The following HDAC1 variants were observed in gnomAD, a reference collection of about 807,000 sequenced individuals.
HDAC1 encodes the protein protein deacetylase HDAC1.
Under a neutral mutation model 65.5 loss-of-function variants are expected in HDAC1, and 18 were observed. The observed-to-expected ratio is 0.27, with a 90% CI of 0.19 to 0.41. HDAC1 has a LOEUF of 0.41. Ranked by LOEUF, HDAC1 falls within the 10% of genes least tolerant of loss-of-function variation. The pLI is 1.00. For synonymous variants in HDAC1, 211 were observed against 227.9 expected, an observed-to-expected ratio of 0.93 and a Z score of 0.67; for missense variants, 373 against 625.2, an observed-to-expected ratio of 0.60 and a Z score of 4.30.
chr1:32,326,968 A>T lies in HDAC1; in HGVS notation c.385A>T (p.Thr129Ser), dbSNP rs762360572. 7 of 1,614,130 alleles carry T rather than the reference A, an allele frequency of 4.3e-6. No homozygotes were observed. The highest frequency in any genetic ancestry group is 5.9e-6 in the Non-Finnish European group (7 of 1,180,014). Reference protein sequence around the residue: ...ASAVKLNKQQTDIAVNWAGGL... With the variant: ...ASAVKLNKQQSDIAVNWAGGL... Reference sequence around the variant, plus strand: ...TGCTGTGAAACTTAATAAGCAGCAGACGGACATCGCTGTGAATTGGGCTGG... The same window carrying T: ...TGCTGTGAAACTTAATAAGCAGCAGTCGGACATCGCTGTGAATTGGGCTGG... Residue 129 changes from threonine to serine, a missense_variant, in exon 5 of 14, where the codon ACG becomes TCG. Transcript: ENST00000373548.
rs1205043841 is a variant in HDAC1 at position 32,333,237 on chromosome 1, A to G, written c.*193A>G. On this transcript the variant is annotated 3_prime_UTR_variant, in exon 14 of 14. Transcript: ENST00000373548. ...GAGCTCTTCCAGGAGCCACCTTGCC[A>G]CCCATTCTTCCCGTTCTTAACTTTG... is the stretch of plus-strand genomic sequence containing the variant. 1 of 483,086 alleles carries G rather than the reference A, an allele frequency of 2.1e-6. No individual in the cohort carries two copies. Among genetic ancestry groups the G allele is most frequent in the South Asian group, 3.5e-5 (1 of 28,856 alleles). 29.9% of individuals were successfully genotyped at this position (483,086 alleles called of 1,614,324 possible).
rs1489607629 is a variant in HDAC1 at position 32,331,569 on chromosome 1, C to T, written c.1075C>T (p.Leu359=). Residue 359 remains leucine, a synonymous_variant, in exon 10 of 14, where the codon CTG becomes TTG. Coordinates refer to ENST00000373548, the MANE Select transcript of HDAC1 (RefSeq NM_004964.3). The surrounding 1 kb of genome is among the most constrained non-coding windows in gnomAD (Gnocchi z 4.2). ...GACTAACCAGAACACGAATGAGTAC[C>T]TGGAGAAGATCAAGTGAGTATATCC... The part of the protein sequence containing the change: ...NMTNQNTNEY[L]EKIKQRLFEN... 1 of 1,610,330 alleles carries T rather than the reference C, an allele frequency of 6.2e-7. No individual in the cohort carries two copies. The highest frequency in any genetic ancestry group is 2.2e-5 in the East Asian group (1 of 44,866).
Position 32,297,080 on chromosome 1 carries a change from A to T in HDAC1, c.49+4862A>T, listed in dbSNP as rs564426647. On this transcript the variant is annotated intron_variant, in intron 1 of 13. Coordinates refer to ENST00000373548, the MANE Select transcript of HDAC1 (RefSeq NM_004964.3). ...TTGGTGGAGCAGGAATCTTGAAGAG[A>T]GGAGATTTAAATAGCTTTTGCAAAA... Among the ~76,000 whole-genome samples the T allele has an allele frequency of 3.3e-5, 5 of 152,152 alleles. No individual in the cohort carries two copies. The South Asian group carries it at 1.0e-3, about 32-fold the overall frequency.
At position 32,331,789 on chromosome 1, in the gene HDAC1, C is replaced by G; in HGVS notation, c.1202C>G (p.Pro401Arg). Reference protein sequence around the residue: ...EESGDEDEDDPDKRISICSSD... With the variant: ...EESGDEDEDDRDKRISICSSD... ...AGTGGCGATGAGGACGAAGACGACC[C>G]TGACAAGCGCATCTCGAGTGAGACC... Residue 401 changes from proline (P) to arginine (R), a missense_variant, in exon 11 of 14, where the codon CCT becomes CGT. This residue lies in a region of HDAC1 where 126 missense variants were observed against 126.2 expected (regional missense o/e 1.00). Coordinates refer to ENST00000373548, the MANE Select transcript of HDAC1 (RefSeq NM_004964.3). This position sits in a 1 kb window ranked among gnomAD's most constrained non-coding sequence, Gnocchi z 4.2. 1.2e-6 allele frequency: 2 copies of G among 1,612,340 alleles called. No individual in the cohort carries two copies. The highest frequency in any genetic ancestry group is 1.7e-6 in the Non-Finnish European group (2 of 1,179,098).
chr1:32,296,474 C>T (rs958219364), intron 1 of HDAC1, among the ~76,000 whole-genome samples: 2 of 152,162 alleles, frequency 1.3e-5, no homozygotes, highest in African/African-American at 2.4e-5. Flanking sequence ...AAGCAGTCCT[C>T]CCACCTCAGC....
intron 1 of HDAC1, among the ~76,000 whole-genome samples, chr1:32,298,339 G>A (rs1189666468): frequency 6.6e-5 from 10 of 151,626 alleles, no homozygotes; most frequent in African/African-American, 2.2e-4. Context: ...CGCCTGCCTC[G>A]GCCTCCCAAA....
At chr1:32,310,870 G>T (rs1427276519) in intron 2 of HDAC1, among the ~76,000 whole-genome samples, 4 of 147,938 alleles carry the variant, frequency 2.7e-5, no homozygotes, top group African/African-American at 1.0e-4. Flanking sequence ...AAAAAATAGA[G>T]AGACAGAAAG....
In HDAC1 at chr1:32,316,701, T is replaced by C; in HGVS notation, c.199T>C (p.Tyr67His). 6.2e-7 allele frequency: 1 copy of C among 1,613,950 alleles called. No individual in the cohort carries two copies. The highest frequency in any genetic ancestry group is 8.5e-7 in the Non-Finnish European group (1 of 1,179,854). Residue 67 changes from tyrosine to histidine, a missense_variant, in exon 3 of 14, where the codon TAC becomes CAC. By Grantham distance (83) the Tyr-to-His change is moderately conservative. This residue lies in a region of HDAC1 where 80 missense variants were observed against 126.3 expected (regional missense o/e 0.63). Coordinates refer to ENST00000373548, the MANE Select transcript of HDAC1 (RefSeq NM_004964.3). ...AGCCAATGCTGAGGAGATGACCAAG[T>C]ACCACAGCGATGACTACATTAAATT... ...HKANAEEMTK[Y>H]HSDDYIKFLR...
intron 4 of HDAC1, among the ~76,000 whole-genome samples, chr1:32,326,063 C>G (rs1343600254): frequency 6.6e-6 from 1 of 152,132 alleles, no homozygotes; most frequent in Admixed American, 6.5e-5. Context: ...CACAAATGCA[C>G]TTGCACACAT....
intron 2 of HDAC1, among the ~76,000 whole-genome samples, chr1:32,315,962 C>G (rs181176986): frequency 6.7e-6 from 1 of 148,484 alleles, no homozygotes; most frequent in East Asian, 2.0e-4. Context: ...GAGACTCCGC[C>G]TCAAAACAAA....
chr1:32,317,689 C>T (rs546153221), intron 3 of HDAC1, among the ~76,000 whole-genome samples: 1 of 152,204 alleles, frequency 6.6e-6, no homozygotes, highest in East Asian at 1.9e-4. Context: ...TTCTTTGCTA[C>T]CGACAACTCC....
chr1:32,301,494 G>T (rs956267618), intron 1 of HDAC1, among the ~76,000 whole-genome samples: 1 of 151,576 alleles, frequency 6.6e-6, no homozygotes, highest in Non-Finnish European at 1.5e-5. Context: ...TGCTGGCCAG[G>T]CGCGGTGGCT....
chr1:32,312,826 C>T (rs918239188), intron 2 of HDAC1, among the ~76,000 whole-genome samples: 6 of 152,076 alleles, frequency 3.9e-5, no homozygotes, highest in Non-Finnish European at 8.8e-5. Flanking sequence ...CAGGAGCCTG[C>T]CACCACGCCC....
At chr1:32,310,186 T>G (rs1640971565) in intron 2 of HDAC1, among the ~76,000 whole-genome samples, 1 of 152,138 alleles carries the variant, frequency 6.6e-6, no homozygotes, top group Admixed American at 6.6e-5. Flanking sequence ...CACCAGTGTT[T>G]TGTTTATGTT....
Position 32,330,102 on chromosome 1 carries a change from T to C in HDAC1, c.730-476T>C, listed in dbSNP as rs1641271243. On this transcript the variant is annotated intron_variant, in intron 7 of 13. Transcript: ENST00000373548. The surrounding 1 kb of genome is among the most constrained non-coding windows in gnomAD (Gnocchi z 4.2). Reference sequence around the variant, plus strand: ...TTCAGCAAACACTGACTGCCCACTATGTGCCTAGTATTTAATAAGGGCTAC... The same window carrying C: ...TTCAGCAAACACTGACTGCCCACTACGTGCCTAGTATTTAATAAGGGCTAC... 1 of 166,710 alleles carries C rather than the reference T, an allele frequency of 6.0e-6. No individual in the cohort carries two copies. The highest frequency in any genetic ancestry group is 5.5e-5 in the Admixed American group (1 of 18,212). The allele number at this position is 166,710 out of a possible 1,614,324, so 10.3% of individuals were successfully genotyped here. A position where few individuals can be genotyped will look rare whatever the true frequency, so the allele number is the denominator to read the frequency against.
rs371835497 is a variant in HDAC1 at position 32,332,707 on chromosome 1, C to T, written c.1379C>T (p.Thr460Ile). 3.7e-5 allele frequency: 57 copies of T among 1,554,926 alleles called. No homozygotes were observed. The African/African-American group carries it at 7.3e-4, about 20-fold the overall frequency. ...CTGTACTCTTGTGTTCTAGAAGTCA[C>T]CGAAGAGGAGAAAACCAAGGAGGAG... is the stretch of plus-strand genomic sequence containing the variant. ...EKDPEEKKEV[T>I]EEEKTKEEKP... Residue 460 changes from threonine to isoleucine, a missense_variant, in exon 13 of 14, where the codon ACC becomes ATC. By Grantham distance (89) the Thr-to-Ile change is moderately conservative. Transcript: ENST00000373548.
In HDAC1 at chr1:32,329,413, T is replaced by C. The variant is rs1051123350; in HGVS notation, c.729+253T>C. 3.5e-6 allele frequency: 2 copies of C among 579,004 alleles called. No homozygotes were observed. The highest frequency in any genetic ancestry group is 1.9e-5 in the African/African-American group (1 of 53,484). The allele number at this position is 579,004 out of a possible 1,614,324, so 35.9% of individuals were successfully genotyped here. Reference sequence around the variant, plus strand: ...ACATGATCTTTGCCCTCACGGACTATGGTGGGGAAGGCAGGCACATACCCA... The same window carrying C: ...ACATGATCTTTGCCCTCACGGACTACGGTGGGGAAGGCAGGCACATACCCA... On this transcript the variant is annotated intron_variant, in intron 7 of 13. Coordinates refer to ENST00000373548, the MANE Select transcript of HDAC1 (RefSeq NM_004964.3). The surrounding 1 kb of genome is among the most constrained non-coding windows in gnomAD (Gnocchi z 4.1).
In HDAC1 at chr1:32,327,626, T is replaced by C. The variant is rs1223899487; in HGVS notation, c.585T>C (p.Thr195=). 6.2e-7 allele frequency: 1 copy of C among 1,614,022 alleles called. No individual in the cohort carries two copies. Among genetic ancestry groups the C allele is most frequent in the East Asian group, 2.2e-5 (1 of 44,884 alleles). The change falls in exon 6 of 14, where the codon ACT becomes ACC. Residue 195 remains threonine (T), a synonymous_variant. Coordinates refer to ENST00000373548, the MANE Select transcript of HDAC1 (RefSeq NM_004964.3). The surrounding 1 kb of genome is among the most constrained non-coding windows in gnomAD (Gnocchi z 6.0). ...TCTACACCACGGACCGGGTCATGACTGTGTCCTTTCATAAGTATGGAGAGT... is the reference window on the plus strand; with the variant it reads ...TCTACACCACGGACCGGGTCATGACCGTGTCCTTTCATAAGTATGGAGAGT... ...EAFYTTDRVM[T]VSFHKYGEYF...
At chr1:32,298,148 C>G (rs1281008855) in intron 1 of HDAC1, among the ~76,000 whole-genome samples, 1 of 143,128 alleles carries the variant, frequency 7.0e-6, no homozygotes, top group Admixed American at 7.2e-5. Context: ...AGCGCAGTGG[C>G]GCAATCTCAA....
Sources: gnomAD v4.1 joint callset for allele counts (sites outside exome capture counted in the v4.1 genomes callset) on GRCh38, gnomAD v4.1.1 for gene constraint, gnomAD v4.1.1 regional missense constraint, Gnocchi (gnomAD v3.1) non-coding constraint, MANE v1.5 for transcripts, NCBI Gene and HGNC (gene_info 2026-07-23, HGNC 2026-07-21) for gene names.